CAMTA1: variants seen among roughly 807,000 people sequenced by gnomAD.
The protein encoded by CAMTA1 is calmodulin-binding transcription activator 1.
A neutral mutation model predicts 170.9 loss-of-function variants in CAMTA1; 27 were observed. The ratio of observed to expected loss-of-function variants is 0.16; its 90% confidence interval spans 0.12 to 0.22. The LOEUF is 0.22. CAMTA1 is among the 10% of genes least tolerant of loss of function. CAMTA1 has a pLI of 1.00. For missense variants in CAMTA1, 1,619 were observed against 2,217.2 expected (o/e 0.73, Z 5.42); for synonymous variants, 833 against 891.5 (o/e 0.93, Z 1.17).
At chr1:7,662,551 G>T (rs2095969374) in intron 8 of CAMTA1, among the ~76,000 whole-genome samples, 1 of 152,136 alleles carries the variant, frequency 6.6e-6, no homozygotes, top group South Asian at 2.1e-4. Context: ...AATGAAAATG[G>T]TGAAAATATC....
chr1:7,566,059 C>T (rs1044013791), intron 6 of CAMTA1, among the ~76,000 whole-genome samples: 1 of 152,200 alleles, frequency 6.6e-6, no homozygotes, highest in Non-Finnish European at 1.5e-5. Context: ...TACGGTCACA[C>T]TGGGGCTTTG....
At chr1:7,723,203 G>C (rs2096660839) in intron 11 of CAMTA1, among the ~76,000 whole-genome samples, 1 of 152,096 alleles carries the variant, frequency 6.6e-6, no homozygotes, top group African/African-American at 2.4e-5. Context: ...TTGGCACAGG[G>C]GAAATGAGAG....
Position 7,540,984 on chromosome 1 carries a change from C to T in CAMTA1, c.510+73083C>T, listed in dbSNP as rs368611854. Among the ~76,000 whole-genome samples the T allele has an allele frequency of 1.8e-4, 27 of 152,358 alleles. 2 individuals are homozygous for T. Among genetic ancestry groups the T allele is most frequent in the African/African-American group, 6.5e-4 (27 of 41,584 alleles). On this transcript the variant is annotated intron_variant, in intron 6 of 22. Transcript: ENST00000303635. The stretch of plus-strand genomic sequence containing the variant: ...CAAGTTGCTTACAACCTGCCCTGGG[C>T]ACGTCGACCTGGAGAACTGGAGGTT...
chr1:7,704,173 G>A (rs1430707398), intron 11 of CAMTA1, among the ~76,000 whole-genome samples: 2 of 149,330 alleles, frequency 1.3e-5, no homozygotes, highest in Non-Finnish European at 3.0e-5. Context: ...GCCGCCGCAG[G>A]GCGCGCCGGG....
intron 3 of CAMTA1, among the ~76,000 whole-genome samples, chr1:6,832,530 A>G (rs530535903): frequency 6.6e-6 from 1 of 152,116 alleles, no homozygotes; most frequent in Admixed American, 6.5e-5. Flanking sequence ...GTGTATTTAT[A>G]TGTTATCTCT....
At chr1:6,957,625 T>C (rs1689673332) in intron 3 of CAMTA1, among the ~76,000 whole-genome samples, 1 of 152,226 alleles carries the variant, frequency 6.6e-6, no homozygotes, top group African/African-American at 2.4e-5. Flanking sequence ...CTTCTGCCTC[T>C]TCTTTATCTT....
Position 7,766,115 on chromosome 1 carries a change from C to T in CAMTA1, c.4990-344C>T, listed in dbSNP as rs72853886. On this transcript the variant is annotated intron_variant, in intron 22 of 22. Coordinates refer to ENST00000303635, the MANE Select transcript of CAMTA1 (RefSeq NM_015215.4). ...GTGATAGGACATTAATGGTGGTCCA[C>T]GAGACTAAAAAGAAAGTTATTTGAA... Among the ~76,000 whole-genome samples the T allele has an allele frequency of 4.6e-3, 691 of 151,640 alleles. 5 individuals carry two copies. Among genetic ancestry groups the T allele is most frequent in the African/African-American group, 0.015 (634 of 41,308 alleles).
intron 6 of CAMTA1, among the ~76,000 whole-genome samples, chr1:7,487,546 C>T (rs1401239223): frequency 1.3e-5 from 2 of 152,226 alleles, no homozygotes; most frequent in Non-Finnish European, 2.9e-5. Context: ...TCTGTCTGGA[C>T]GTCCATGGAG....
In CAMTA1 at chr1:7,409,509, G is replaced by A. The variant is rs949603421; in HGVS notation, c.439-58321G>A. 2.7e-5 allele frequency among the ~76,000 whole-genome samples: 4 copies of A among 148,010 alleles called. No individual in the cohort carries two copies. The Admixed American group carries it at 2.7e-4, about 10-fold the overall frequency. On this transcript the variant is annotated intron_variant, in intron 5 of 22. Coordinates refer to ENST00000303635, the MANE Select transcript of CAMTA1 (RefSeq NM_015215.4). ...CGCCCTTGAGGGCAGAGTCCAGCATGAGGACTCACCTGACACTTGCAGGCT... is the reference window on the plus strand; with the variant it reads ...CGCCCTTGAGGGCAGAGTCCAGCATAAGGACTCACCTGACACTTGCAGGCT...
In CAMTA1 at chr1:7,580,335, T is replaced by G. The variant is rs1380495909; in HGVS notation, c.511-60065T>G. Among the ~76,000 whole-genome samples, 1 of 150,314 alleles carries G rather than the reference T, an allele frequency of 6.7e-6. No homozygotes were observed. The highest frequency in any genetic ancestry group is 1.5e-5 in the Non-Finnish European group (1 of 67,916). On this transcript the variant is annotated intron_variant, in intron 6 of 22. Coordinates refer to ENST00000303635, the MANE Select transcript of CAMTA1 (RefSeq NM_015215.4). The surrounding 1 kb of genome is among the most constrained non-coding windows in gnomAD (Gnocchi z 4.3). ...GGGGCAGGTGGAGAAGAGGAGGAGC[T>G]TTCTGGAAGGAAGCCCTGTGAATGA...
chr1:7,603,775 C>A (rs1407821291), intron 6 of CAMTA1, among the ~76,000 whole-genome samples: 1 of 152,126 alleles, frequency 6.6e-6, no homozygotes, highest in African/African-American at 2.4e-5. Flanking sequence ...TTCTTCCTAG[C>A]CTCGATGGTC....
intron 5 of CAMTA1, among the ~76,000 whole-genome samples, chr1:7,350,213 C>A (rs1446630337): frequency 1.3e-5 from 2 of 152,204 alleles, no homozygotes; most frequent in Admixed American, 6.5e-5. Context: ...GTGTCCCCCA[C>A]ACTGAGCACC....
rs1706231621 is a variant in CAMTA1, at chr1:7,050,857, T to C, written c.235-40447T>C. On this transcript the variant is annotated intron_variant, in intron 3 of 22. Coordinates refer to ENST00000303635, the MANE Select transcript of CAMTA1 (RefSeq NM_015215.4). The surrounding 1 kb of genome is among the most constrained non-coding windows in gnomAD (Gnocchi z 4.8). The stretch of plus-strand genomic sequence containing the variant: ...AATGGGAACATCACACTGGGGTATT[T>C]ATGGGAGCCGTGCACAGGAGCGCTG... Among the ~76,000 whole-genome samples the C allele has an allele frequency of 6.6e-6, 1 of 152,084 alleles. No individual in the cohort carries two copies. Among genetic ancestry groups the C allele is most frequent in the Non-Finnish European group, 1.5e-5 (1 of 68,000 alleles).
At chr1:7,409,534 T>A (rs954384750) in intron 5 of CAMTA1, among the ~76,000 whole-genome samples, 1 of 26,838 alleles carries the variant, frequency 3.7e-5, no homozygotes, top group African/African-American at 9.0e-5. Flanking sequence ...ACTTGCAGGC[T>A]CCCAAGGGCT....
intron 19 of CAMTA1, chr1:7,749,910 C>T: frequency 2.5e-6 from 1 of 400,904 alleles, no homozygotes; most frequent in South Asian, 1.8e-5. Context: ...ACATATCCCC[C>T]TTGCCAGGCC....
At chr1:7,230,443 CCG>C (rs200998780) in intron 4 of CAMTA1, among the ~76,000 whole-genome samples, 2,730 of 80,234 alleles carry the variant, frequency 0.034, 446 homozygotes, top group African/African-American at 0.085. Flanking sequence ...CCCCCCCCCC[CCG>C]CCCCGCAAAG....
At chr1:7,571,161 G>A (rs1276931242) in intron 6 of CAMTA1, among the ~76,000 whole-genome samples, 2 of 152,188 alleles carry the variant, frequency 1.3e-5, no homozygotes, top group South Asian at 2.1e-4. Context: ...AGTTATGGAA[G>A]CAGCGAGTCC....
intron 12 of CAMTA1, among the ~76,000 whole-genome samples, chr1:7,734,533 G>C (rs370095459): frequency 0.011 from 1,295 of 119,252 alleles, 14 homozygotes; most frequent in African/African-American, 0.037. Context: ...GACTGTTTTT[G>C]TTTAATACAA....
At chr1:6,859,197 CGT>C (rs144259353) in intron 3 of CAMTA1, among the ~76,000 whole-genome samples, 2,613 of 152,002 alleles carry the variant, frequency 0.017, 77 homozygotes, top group African/African-American at 0.059. Context: ...GTGTAAATCG[CGT>C]GTGTGTTGTA....
Sources: gnomAD v4.1 joint callset for allele counts (sites outside exome capture counted in the v4.1 genomes callset) on GRCh38, gnomAD v4.1.1 for gene constraint, Gnocchi (gnomAD v3.1) non-coding constraint, MANE v1.5 for transcripts, NCBI Gene and HGNC (gene_info 2026-07-23, HGNC 2026-07-21) for gene names.